Variants in ASB13 observed in about 807,000 individuals in gnomAD.
ASB13 encodes the protein ankyrin repeat and SOCS box protein 13.
Under a neutral mutation model 28.8 loss-of-function variants are expected in ASB13, and 33 were observed. That is an observed-to-expected ratio of 1.15 (90% confidence interval 0.87 to 1.53). The LOEUF (loss-of-function observed/expected upper bound fraction) is 1.53. Among genes scored for constraint, ASB13 ranks in the 40% most tolerant of loss-of-function variants. The pLI, the probability that ASB13 is intolerant of heterozygous loss-of-function variation, is 0.00. For synonymous variants in ASB13, 182 were observed against 172.9 expected, an observed-to-expected ratio of 1.05 and a Z score of -0.41; for missense variants, 414 against 390.1, an observed-to-expected ratio of 1.06 and a Z score of -0.52.
chr10:5,655,902 C>T lies in ASB13; in HGVS notation c.44-2852G>A, dbSNP rs764073761. The stretch of plus-strand genomic sequence containing the variant: ...TCCCGACGTGCCTCCATTCACAAGA[C>T]GTCCAGGTGGATTTAGCGTCTTCCG... On this transcript the variant is annotated intron_variant, in intron 1 of 5. Transcript: ENST00000357700. This position sits in a 1 kb window ranked among gnomAD's most constrained non-coding sequence, Gnocchi z 6.2. Among the ~76,000 whole-genome samples, 36 of 152,338 alleles carry T rather than the reference C, an allele frequency of 2.4e-4. No homozygotes were observed. Among genetic ancestry groups the T allele is most frequent in the Middle Eastern group, 6.8e-3 (2 of 294 alleles).
Position 5,645,310 on chromosome 10 carries a change from A to AT in ASB13, c.518-3350dup, listed in dbSNP as rs1235892797. Among the ~76,000 whole-genome samples, 6 of 152,142 alleles carry AT rather than the reference A, an allele frequency of 3.9e-5. No individual in the cohort carries two copies. The highest frequency in any genetic ancestry group is 1.9e-4 in the East Asian group (1 of 5,198). ...AAAATTAAACAACAATTTTAAAAAAATTTTTTAAATTGTGCCAGGGCCAGT... is the reference window on the plus strand; with the variant it reads ...AAAATTAAACAACAATTTTAAAAAAATTTTTTTAAATTGTGCCAGGGCCAGT... On this transcript the variant is annotated intron_variant, in intron 4 of 5. Transcript: ENST00000357700. The surrounding 1 kb of genome is among the most constrained non-coding windows in gnomAD (Gnocchi z 5.4).
At position 5,662,638 on chromosome 10, in the gene ASB13, G is replaced by T. The variant is rs552536486; in HGVS notation, c.43+3871C>A. On this transcript the variant is annotated intron_variant, in intron 1 of 5. Transcript: ENST00000357700. Reference sequence around the variant, plus strand: ...GAAGAGAAGAGAAGAGAAGAGAAGAGATGAGATCCTGGATGATTAACACTC... The same window carrying T: ...GAAGAGAAGAGAAGAGAAGAGAAGATATGAGATCCTGGATGATTAACACTC... Among the ~76,000 whole-genome samples the T allele has an allele frequency of 4.4e-4, 63 of 144,662 alleles. 1 individual carries two copies. Among genetic ancestry groups the T allele is most frequent in the Non-Finnish European group, 6.6e-4 (44 of 66,314 alleles). 94.9% of individuals were successfully genotyped at this position (144,662 alleles called of 152,430 possible).
At position 5,664,882 on chromosome 10, in the gene ASB13, GT is replaced by G. The variant is rs1227882595; in HGVS notation, c.43+1626del. Among the ~76,000 whole-genome samples the G allele has an allele frequency of 6.6e-6, 1 of 151,292 alleles. No homozygotes were observed. The highest frequency in any genetic ancestry group is 1.5e-5 in the Non-Finnish European group (1 of 67,884). On this transcript the variant is annotated intron_variant, in intron 1 of 5. Transcript: ENST00000357700. This position sits in a 1 kb window ranked among gnomAD's most constrained non-coding sequence, Gnocchi z 4.2. ...TTTTATTTATTTATTTTGAGACAGA[GT>G]TTTGCTCTTGTCACCCAGGCTGGAG... is the stretch of plus-strand genomic sequence containing the variant.
Position 5,642,558 on chromosome 10 carries a change from T to C in ASB13, c.518-597A>G, listed in dbSNP as rs945735174. The C allele has an allele frequency of 8.0e-7, 1 of 1,246,020 alleles. No homozygotes were observed. Among genetic ancestry groups the C allele is most frequent in the Non-Finnish European group, 1.0e-6 (1 of 976,506 alleles). 77.2% of individuals were successfully genotyped at this position (1,246,020 alleles called of 1,614,324 possible). A position where few individuals can be genotyped will look rare whatever the true frequency, so the allele number is the denominator to read the frequency against. ...TAAGAGCAGACATTCATCAAGCTGA[T>C]TAAAAGTAAAGGTAAAAAAAAATTT... On this transcript the variant is annotated intron_variant, in intron 4 of 5. Coordinates refer to ENST00000357700, the MANE Select transcript of ASB13 (RefSeq NM_024701.4). The surrounding 1 kb of genome is among the most constrained non-coding windows in gnomAD (Gnocchi z 4.1).
chr10:5,662,276 C>G (rs1270199477), intron 1 of ASB13, among the ~76,000 whole-genome samples: 1 of 151,746 alleles, frequency 6.6e-6, no homozygotes, highest in Non-Finnish European at 1.5e-5. Flanking sequence ...CCCAGCACTT[C>G]GGGAGGCTGA....
rs1164967055 is a variant in ASB13, at chr10:5,651,519, C to T, written c.232-156G>A. 12 of 808,520 alleles carry T rather than the reference C, an allele frequency of 1.5e-5. No individual in the cohort carries two copies. Among genetic ancestry groups the T allele is most frequent in the South Asian group, 1.1e-4 (6 of 53,358 alleles). The allele number at this position is 808,520 out of a possible 1,614,324, so 50.1% of individuals were successfully genotyped here. ...GGCAACGACACTGAAAGAGATAGCA[C>T]GTGGCTGCGGAGCACCGACGGCCTC... On this transcript the variant is annotated intron_variant, in intron 2 of 5. Coordinates refer to ENST00000357700, the MANE Select transcript of ASB13 (RefSeq NM_024701.4). This position sits in a 1 kb window ranked among gnomAD's most constrained non-coding sequence, Gnocchi z 5.1.
chr10:5,646,461 T>A (rs1834887419), intron 4 of ASB13, among the ~76,000 whole-genome samples: 1 of 152,218 alleles, frequency 6.6e-6, no homozygotes, highest in African/African-American at 2.4e-5. Context: ...ACGTCTGGCG[T>A]GTAGGCCTGA....
At position 5,652,801 on chromosome 10, in the gene ASB13, T is replaced by G; in HGVS notation, c.231+62A>C. ...CCCCTCTTTCCCAAGTTCTCCTGAGTCAACCTCCTCCATTCTGGCAGCTGC... is the reference window on the plus strand; with the variant it reads ...CCCCTCTTTCCCAAGTTCTCCTGAGGCAACCTCCTCCATTCTGGCAGCTGC... On this transcript the variant is annotated intron_variant, in intron 2 of 5. Transcript: ENST00000357700. This position sits in a 1 kb window ranked among gnomAD's most constrained non-coding sequence, Gnocchi z 5.0. The G allele has an allele frequency of 6.9e-7, 1 of 1,444,842 alleles. No individual in the cohort carries two copies. The highest frequency in any genetic ancestry group is 2.5e-5 in the East Asian group (1 of 39,878). 89.5% of individuals were successfully genotyped at this position (1,444,842 alleles called of 1,614,324 possible).
intron 4 of ASB13, among the ~76,000 whole-genome samples, chr10:5,643,876 C>T (rs1834843810): frequency 6.6e-6 from 1 of 152,232 alleles, no homozygotes; most frequent in Non-Finnish European, 1.5e-5. Context: ...GCTACTCTCT[C>T]ACGATCAGGG....
rs1222477906 is a variant in ASB13 at position 5,649,432 on chromosome 10, C to T, written c.383-328G>A. Among the ~76,000 whole-genome samples, 1 of 152,048 alleles carries T rather than the reference C, an allele frequency of 6.6e-6. No homozygotes were observed. Among genetic ancestry groups the T allele is most frequent in the Admixed American group, 6.5e-5 (1 of 15,274 alleles). On this transcript the variant is annotated intron_variant, in intron 3 of 5. Coordinates refer to ENST00000357700, the MANE Select transcript of ASB13 (RefSeq NM_024701.4). This position sits in a 1 kb window ranked among gnomAD's most constrained non-coding sequence, Gnocchi z 6.4. ...CCGCTGCCCCCCTGCCCTGTGTCTA[C>T]CTGCGGCTGTCAGCACTGAGCCCAG...
chr10:5,656,979 T>C lies in ASB13; in HGVS notation c.44-3929A>G, dbSNP rs1835085185. 6.6e-6 allele frequency among the ~76,000 whole-genome samples: 1 copy of C among 152,206 alleles called. No individual in the cohort carries two copies. Among genetic ancestry groups the C allele is most frequent in the Admixed American group, 6.5e-5 (1 of 15,280 alleles). On this transcript the variant is annotated intron_variant, in intron 1 of 5. Transcript: ENST00000357700. The surrounding 1 kb of genome is among the most constrained non-coding windows in gnomAD (Gnocchi z 4.3). ...CTCCAGATAAACCTGCCACCAACTC[T>C]TGTCTCTCGTATTTGGCTTTTGAGC...
chr10:5,641,398 T>C lies in ASB13; in HGVS notation c.709+372A>G, dbSNP rs1834805958. ...ATTACAGGTGTGAGCCACTGCGCCT[T>C]TTCAAAACCATGGTTTTGGTTTTTT... On this transcript the variant is annotated intron_variant, in intron 5 of 5. Transcript: ENST00000357700. This position sits in a 1 kb window ranked among gnomAD's most constrained non-coding sequence, Gnocchi z 8.4. 6.6e-6 allele frequency among the ~76,000 whole-genome samples: 1 copy of C among 152,124 alleles called. No homozygotes were observed. The highest frequency in any genetic ancestry group is 1.5e-5 in the Non-Finnish European group (1 of 68,024).
rs758712138 is a variant in ASB13 at position 5,641,903 on chromosome 10, G to T, written c.576C>A (p.Val192=). Residue 192 remains valine, a synonymous_variant, in exon 5 of 6, where the codon GTC becomes GTA. Transcript: ENST00000357700. The surrounding 1 kb of genome is among the most constrained non-coding windows in gnomAD (Gnocchi z 8.4). Reference sequence around the variant, plus strand: ...GCATCTCGATGAGGTCAACATTCTTGACCTTGGCCGCGTGGTGAAGGGCAG... The same window carrying T: ...GCATCTCGATGAGGTCAACATTCTTTACCTTGGCCGCGTGGTGAAGGGCAG... ...HETALHHAAK[V]KNVDLIEMLI... 5.6e-6 allele frequency: 9 copies of T among 1,613,762 alleles called. No individual in the cohort carries two copies. In the South Asian group the frequency reaches 9.9e-5, roughly 18 times the overall value.
At chr10:5,647,116 T>C (rs1209429882) in intron 4 of ASB13, among the ~76,000 whole-genome samples, 1 of 152,184 alleles carries the variant, frequency 6.6e-6, no homozygotes, top group Non-Finnish European at 1.5e-5. Flanking sequence ...ATCTTCCTGT[T>C]CCCAAACAGG....
In ASB13 at chr10:5,663,657, A is replaced by T. The variant is rs7906074; in HGVS notation, c.43+2852T>A. ...CAGGCAATGTCTCCCAGGGCTGCCG[A>T]GTCGAGGAGGAGGATAGAGGTACTG... On this transcript the variant is annotated intron_variant, in intron 1 of 5. Coordinates refer to ENST00000357700, the MANE Select transcript of ASB13 (RefSeq NM_024701.4). The surrounding 1 kb of genome is among the most constrained non-coding windows in gnomAD (Gnocchi z 4.9). Among the ~76,000 whole-genome samples, 123,398 of 152,156 alleles carry T rather than the reference A, an allele frequency of 0.81. 50,672 individuals carry two copies. Among genetic ancestry groups the T allele is most frequent in the Middle Eastern group, 0.94 (277 of 294 alleles).
At position 5,660,420 on chromosome 10, in the gene ASB13, C is replaced by T. The variant is rs939863127; in HGVS notation, c.43+6089G>A. 6.6e-6 allele frequency among the ~76,000 whole-genome samples: 1 copy of T among 152,186 alleles called. No individual in the cohort carries two copies. Among genetic ancestry groups the T allele is most frequent in the Non-Finnish European group, 1.5e-5 (1 of 68,040 alleles). On this transcript the variant is annotated intron_variant, in intron 1 of 5. Transcript: ENST00000357700. This position sits in a 1 kb window ranked among gnomAD's most constrained non-coding sequence, Gnocchi z 6.1. ...GTGCCCTGCCCCAGGACTGACCTGT[C>T]CTTTGAGATTAGGAAGCCCTGGCTG...
Position 5,647,371 on chromosome 10 carries a change from C to G in ASB13, c.517+1599G>C, listed in dbSNP as rs1834900951. 2.6e-5 allele frequency among the ~76,000 whole-genome samples: 4 copies of G among 152,234 alleles called. No individual in the cohort carries two copies. In the South Asian group the frequency reaches 8.3e-4, roughly 31 times the overall value. On this transcript the variant is annotated intron_variant, in intron 4 of 5. Coordinates refer to ENST00000357700, the MANE Select transcript of ASB13 (RefSeq NM_024701.4). ...AAGTTGGGTTGATAAAAACCCTGTG[C>G]TAACAGTCACTTTGGCTAAAACTTT... is the stretch of plus-strand genomic sequence containing the variant.
At chr10:5,654,084 G>T (rs1409289759) in intron 1 of ASB13, among the ~76,000 whole-genome samples, 2 of 151,868 alleles carry the variant, frequency 1.3e-5, no homozygotes, top group Non-Finnish European at 2.9e-5. Context: ...TCTAGTCTCG[G>T]GGGAGAGCAT....
Position 5,665,181 on chromosome 10 carries a change from G to A in ASB13, c.43+1328C>T, listed in dbSNP as rs546950403. Among the ~76,000 whole-genome samples, 13 of 152,210 alleles carry A rather than the reference G, an allele frequency of 8.5e-5. No individual in the cohort carries two copies. The South Asian group carries it at 2.1e-3, about 24-fold the overall frequency. The stretch of plus-strand genomic sequence containing the variant: ...CCCAAAACCTAAATGTTTTGGTCGC[G>A]GTACACCACACATCCAGAATTTGAG... On this transcript the variant is annotated intron_variant, in intron 1 of 5. Coordinates refer to ENST00000357700, the MANE Select transcript of ASB13 (RefSeq NM_024701.4).
Sources: allele counts gnomAD v4.1 joint callset (sites outside exome capture counted in the v4.1 genomes callset), GRCh38; gene constraint gnomAD v4.1.1; non-coding constraint Gnocchi (gnomAD v3.1); transcripts MANE v1.5; gene names NCBI Gene and HGNC (gene_info 2026-07-23, HGNC 2026-07-21).